The following TTLL7 variants were observed in gnomAD, a reference collection of about 807,000 sequenced individuals.
TTLL7 encodes tubulin tyrosine ligase like 7, also known as tubulin polyglutamylase TTLL7.
In TTLL7, 53 loss-of-function variants were observed where a neutral mutation model predicts 120.2. That is an observed-to-expected ratio of 0.44 (90% confidence interval 0.35 to 0.55). TTLL7 has a LOEUF of 0.55. TTLL7 is among the 20% of genes least tolerant of loss of function. The probability of loss-of-function intolerance (pLI) is 0.00; values close to 1 mark genes in which losing one functional copy is unlikely to be tolerated. For missense variants in TTLL7, 803 were observed against 1,054.7 expected (o/e 0.76, Z 3.31); for synonymous variants, 353 against 351.7 (o/e 1.00, Z -0.04).
chr1:83,973,649 G>C (rs568443238), intron 1 of TTLL7, among the ~76,000 whole-genome samples: 1 of 152,034 alleles, frequency 6.6e-6, no homozygotes, highest in Non-Finnish European at 1.5e-5. Context: ...TATAGATCAA[G>C]TTGAGAATAA....
At chr1:83,899,271 A>G (rs549094021) in intron 18 of TTLL7, among the ~76,000 whole-genome samples, 5 of 151,976 alleles carry the variant, frequency 3.3e-5, no homozygotes, top group African/African-American at 1.2e-4. Flanking sequence ...GAGAAATTTG[A>G]GACTGTTTTG....
chr1:83,960,691 T>C (rs1188115583), intron 1 of TTLL7, among the ~76,000 whole-genome samples: 1 of 152,076 alleles, frequency 6.6e-6, no homozygotes, highest in East Asian at 1.9e-4. Flanking sequence ...ATAGGTAAAA[T>C]GGTGTTAATT....
chr1:83,975,855 T>C (rs554097731), intron 1 of TTLL7, among the ~76,000 whole-genome samples: 4 of 152,266 alleles, frequency 2.6e-5, no homozygotes, highest in African/African-American at 9.6e-5. Context: ...TTCTGTTTCA[T>C]ATTTAAATAC....
chr1:83,937,709 A>G (rs1014968613), intron 8 of TTLL7, 143 bp downstream of exon 8: 1 of 853,590 alleles, frequency 1.2e-6, no homozygotes, highest in African/African-American at 1.7e-5. Flanking sequence ...GTGGCTGTGT[A>G]ATGATCTGAT....
At chr1:83,886,902 C>T (rs1194588253) in intron 19 of TTLL7, among the ~76,000 whole-genome samples, 2 of 152,030 alleles carry the variant, frequency 1.3e-5, no homozygotes, top group Non-Finnish European at 2.9e-5. Flanking sequence ...CCCAGTAAAA[C>T]ATGGTAGATA....
intron 20 of TTLL7, among the ~76,000 whole-genome samples, chr1:83,871,461 A>G (rs1241956853): frequency 1.3e-5 from 2 of 152,210 alleles, no homozygotes; most frequent in Non-Finnish European, 2.9e-5. Flanking sequence ...TGAGGAGGAA[A>G]TGCTATAAAA....
intron 20 of TTLL7, among the ~76,000 whole-genome samples, chr1:83,875,050 T>C (rs1653806951): frequency 6.7e-6 from 1 of 150,250 alleles, no homozygotes; most frequent in African/African-American, 2.5e-5. Flanking sequence ...AAAAAGTACA[T>C]AAAACATAAA....
chr1:83,941,837 A>G (rs1200395008), intron 7 of TTLL7, among the ~76,000 whole-genome samples: 1 of 152,212 alleles, frequency 6.6e-6, no homozygotes, highest in Non-Finnish European at 1.5e-5. Flanking sequence ...TAATGAAAAC[A>G]TATCTACACA....
intron 20 of TTLL7, 131 bp from the exon 21 acceptor site, chr1:83,870,213 A>C (rs573339650): frequency 1.2e-5 from 10 of 807,272 alleles, no homozygotes; most frequent in Non-Finnish European, 1.8e-5. Flanking sequence ...ATTCATATAA[A>C]AAGATTTCCT....
chr1:83,942,657 C>A lies in TTLL7; in HGVS notation c.529G>T (p.Asp177Tyr). 1 of 1,612,398 alleles carries A rather than the reference C, an allele frequency of 6.2e-7. No homozygotes were observed. Among genetic ancestry groups the A allele is most frequent in the South Asian group, 1.1e-5 (1 of 90,834 alleles). The change falls in exon 7 of 21, where the codon GAC becomes TAC. Residue 177 changes from aspartate to tyrosine, a missense_variant. Asp to Tyr is a radical substitution (Grantham distance 160, BLOSUM62 -3). Coordinates refer to ENST00000260505, the MANE Select transcript of TTLL7 (RefSeq NM_024686.6). ...AAATGATCCTGAGATGGAAGTTTGT[C>A]ACCATTTCTTATCAAAGAAATCCTA... is the stretch of plus-strand genomic sequence containing the variant. ...GHGISLIRNGDKLPSQDHLIV... is the reference protein window; with the variant it reads ...GHGISLIRNGYKLPSQDHLIV...
intron 3 of TTLL7, among the ~76,000 whole-genome samples, chr1:83,951,078 G>A (rs902011001): frequency 6.6e-6 from 1 of 151,986 alleles, no homozygotes; most frequent in Non-Finnish European, 1.5e-5. Flanking sequence ...GGCTGGGCAC[G>A]GTGGCTCACG....
In TTLL7 at chr1:83,866,718, T is replaced by A. The variant is rs1652941200; in HGVS notation, c.*3244A>T. On this transcript the variant is annotated 3_prime_UTR_variant, in exon 21 of 21. Transcript: ENST00000260505. ...ATCCTGTTACAACTTCATTTTTACA[T>A]ATTTAAGGTAAATGCAATGCTACTA... 6.6e-6 allele frequency: 1 copy of A among 151,982 alleles called. No individual in the cohort carries two copies. Among genetic ancestry groups the A allele is most frequent in the South Asian group, 2.1e-4 (1 of 4,834 alleles). The allele number at this position is 151,982 out of a possible 1,614,324, so 9.4% of individuals were successfully genotyped here.
At chr1:83,974,120 CACAAA>C (rs1250244352) in intron 1 of TTLL7, among the ~76,000 whole-genome samples, 2 of 151,790 alleles carry the variant, frequency 1.3e-5, no homozygotes, top group African/African-American at 4.8e-5. Flanking sequence ...AAAGAAAAAA[CACAAA>C]AGAAAAAGCA....
rs1652912721 is a variant in TTLL7, at chr1:83,990,638, C to A, written c.-177+8293G>T. 2.0e-5 allele frequency among the ~76,000 whole-genome samples: 3 copies of A among 152,234 alleles called. No individual in the cohort carries two copies. The South Asian group carries it at 6.2e-4, about 32-fold the overall frequency. On this transcript the variant is annotated intron_variant, in intron 1 of 20. Coordinates refer to ENST00000260505, the MANE Select transcript of TTLL7 (RefSeq NM_024686.6). ...TACTAATCATAAGAGAAATACAAATCAAATCTGTAACAAATATCATATTGC... is the reference window on the plus strand; with the variant it reads ...TACTAATCATAAGAGAAATACAAATAAAATCTGTAACAAATATCATATTGC...
chr1:83,953,391 T>C lies in TTLL7; in HGVS notation c.-176-1004A>G, dbSNP rs376139169. On this transcript the variant is annotated intron_variant, in intron 1 of 20. Transcript: ENST00000260505. ...GTATAATATCAACACCTTTATTAGA[T>C]TGTCAAGTTTATCAGAAATTCAGAA... is the stretch of plus-strand genomic sequence containing the variant. 2.2e-4 allele frequency among the ~76,000 whole-genome samples: 34 copies of C among 152,290 alleles called. 1 individual carries two copies. In the East Asian group the frequency reaches 2.3e-3, roughly 10 times the overall value.
chr1:83,924,374 G>A (rs909884693), intron 10 of TTLL7, among the ~76,000 whole-genome samples: 32 of 152,164 alleles, frequency 2.1e-4, no homozygotes, highest in African/African-American at 6.3e-4. Context: ...ACAACAGAAT[G>A]TTATTCCGCC....
chr1:83,936,409 G>A (rs976260097), intron 8 of TTLL7, among the ~76,000 whole-genome samples: 18 of 152,084 alleles, frequency 1.2e-4, no homozygotes, highest in African/African-American at 4.3e-4. Flanking sequence ...CTGAGCAATA[G>A]ACCAATGCAT....
chr1:83,995,614 T>C (rs1016220369), intron 1 of TTLL7, among the ~76,000 whole-genome samples: 1 of 152,114 alleles, frequency 6.6e-6, no homozygotes, highest in Admixed American at 6.6e-5. Context: ...TCTTTTCTTA[T>C]AAATTACCTA....
chr1:83,996,395 A>G (rs1653479823), intron 1 of TTLL7, among the ~76,000 whole-genome samples: 1 of 152,216 alleles, frequency 6.6e-6, no homozygotes, highest in Non-Finnish European at 1.5e-5. Context: ...AAGTTTCTTC[A>G]TGATCTTTCA....
Sources: gnomAD v4.1 joint callset for allele counts (sites outside exome capture counted in the v4.1 genomes callset) on GRCh38, gnomAD v4.1.1 for gene constraint, MANE v1.5 for transcripts, NCBI Gene and HGNC (gene_info 2026-07-23, HGNC 2026-07-21) for gene names.